The following KLF13 variants were observed in gnomAD, a reference collection of about 807,000 sequenced individuals.
KLF13 encodes the protein Krueppel-like factor 13.
In KLF13, 8 loss-of-function variants were observed where a neutral mutation model predicts 16.7. The observed-to-expected ratio is 0.48, with a 90% CI of 0.28 to 0.87. The LOEUF (loss-of-function observed/expected upper bound fraction) is 0.87, where lower values mean the gene tolerates loss of function less well. Ranked by LOEUF, KLF13 falls within the 40% of genes least tolerant of loss-of-function variation. The pLI is 0.10. For synonymous variants in KLF13, 245 were observed against 208.4 expected, an observed-to-expected ratio of 1.18 and a Z score of -1.51; for missense variants, 447 against 452.2, an observed-to-expected ratio of 0.99 and a Z score of 0.10.
intron 1 of KLF13, among the ~76,000 whole-genome samples, chr15:31,368,335 A>G (rs1012801544): frequency 3.3e-5 from 5 of 152,192 alleles, no homozygotes; most frequent in Non-Finnish European, 7.3e-5. Flanking sequence ...GACTTTCCCA[A>G]GCTTTTAATG....
downstream of KLF13, among the ~76,000 whole-genome samples, chr15:31,409,608 CA>C (rs2040167590): frequency 6.6e-6 from 1 of 151,950 alleles, no homozygotes; most frequent in South Asian, 2.1e-4. Flanking sequence ...AAACAAAAAA[CA>C]AAGAAAAGAC....
intron 2 of KLF13, among the ~76,000 whole-genome samples, chr15:31,396,921 C>T (rs1475242735): frequency 6.6e-6 from 1 of 152,090 alleles, no homozygotes; most frequent in African/African-American, 2.4e-5. Context: ...GTTAGTTCAG[C>T]TTACACCTAG....
At chr15:31,393,613 G>T (rs1311280025) in exon 2 of KLF13, 1 of 152,430 alleles carries the variant, frequency 6.6e-6, no homozygotes, top group Non-Finnish European at 1.5e-5. Flanking sequence ...CGCAGCTGCA[G>T]CCGCTTCGGT....
intron 1 of KLF13, among the ~76,000 whole-genome samples, chr15:31,424,574 A>G (rs969552879): frequency 6.6e-6 from 1 of 152,126 alleles, no homozygotes; most frequent in Non-Finnish European, 1.5e-5. Flanking sequence ...AAAATTCTAC[A>G]CCCTTTCATG....
At position 31,376,525 on chromosome 15, in the gene KLF13, G is replaced by C; in HGVS notation, c.*4226G>C. The C allele has an allele frequency of 6.6e-6, 1 of 152,574 alleles. No individual in the cohort carries two copies. Among genetic ancestry groups the C allele is most frequent in the East Asian group, 1.9e-4 (1 of 5,192 alleles). The allele number at this position is 152,574 out of a possible 1,614,324, so 9.5% of individuals were successfully genotyped here. A position where few individuals can be genotyped will look rare whatever the true frequency, so the allele number is the denominator to read the frequency against. On this transcript the variant is annotated 3_prime_UTR_variant, in exon 2 of 2. Transcript: ENST00000307145. ...AAAGCTAAAATCTGAGGCGTGGGCTGATGGTTTTTGAAATCAGGATTACCC... is the reference window on the plus strand; with the variant it reads ...AAAGCTAAAATCTGAGGCGTGGGCTCATGGTTTTTGAAATCAGGATTACCC...
In KLF13 at chr15:31,348,656, G is replaced by T. The variant is rs147183264; in HGVS notation, c.577+20867G>T. 1.1e-3 allele frequency among the ~76,000 whole-genome samples: 164 copies of T among 152,052 alleles called. 1 individual carries two copies. The highest frequency in any genetic ancestry group is 3.9e-3 in the African/African-American group (160 of 41,440). ...TGGGGTCCTGACTGCATCTCAGGCCGCAGTGCCTTGGGCTCCAGTGGGGTG... is the reference window on the plus strand; with the variant it reads ...TGGGGTCCTGACTGCATCTCAGGCCTCAGTGCCTTGGGCTCCAGTGGGGTG... On this transcript the variant is annotated intron_variant, in intron 1 of 1. Coordinates refer to ENST00000307145, the MANE Select transcript of KLF13 (RefSeq NM_015995.4).
At chr15:31,415,303 T>C (rs2040242001) in intron 1 of KLF13, among the ~76,000 whole-genome samples, 1 of 152,198 alleles carries the variant, frequency 6.6e-6, no homozygotes, top group African/African-American at 2.4e-5. Context: ...ACAAATGAAC[T>C]AAGACAGAAC....
intron 1 of KLF13, among the ~76,000 whole-genome samples, chr15:31,385,425 T>C (rs568905564): frequency 2.6e-5 from 4 of 152,362 alleles, no homozygotes; most frequent in East Asian, 1.9e-4. Flanking sequence ...TTTGCAAATA[T>C]TGTGTTTTTT....
chr15:31,388,497 C>T (rs2039819016), upstream of KLF13, among the ~76,000 whole-genome samples: 1 of 151,192 alleles, frequency 6.6e-6, no homozygotes, highest in Non-Finnish European at 1.5e-5. Context: ...GCCTATAATC[C>T]CTCTCAGCTA....
At chr15:31,336,299 C>T (rs1306200899) in intron 1 of KLF13, among the ~76,000 whole-genome samples, 2 of 152,202 alleles carry the variant, frequency 1.3e-5, no homozygotes, top group East Asian at 3.9e-4. Flanking sequence ...GCAGTGACCC[C>T]AAGACCTATG....
intron 1 of KLF13, among the ~76,000 whole-genome samples, chr15:31,412,602 C>G (rs531511673): frequency 3.3e-5 from 5 of 152,290 alleles, no homozygotes; most frequent in African/African-American, 9.6e-5. Context: ...TTTAAAATCA[C>G]CACTTTAAAA....
upstream of KLF13, among the ~76,000 whole-genome samples, chr15:31,391,477 TG>T (rs1442121924): frequency 7.3e-5 from 11 of 150,000 alleles, no homozygotes; most frequent in African/African-American, 2.7e-4. Flanking sequence ...GGAAATTCAG[TG>T]GAGTCTGCTC....
At chr15:31,389,075 C>T (rs1281043854), upstream of KLF13, among the ~76,000 whole-genome samples, 1 of 152,152 alleles carries the variant, frequency 6.6e-6, no homozygotes, top group Admixed American at 6.5e-5. Flanking sequence ...TAAATTTTCT[C>T]TTGCCTCTGC....
chr15:31,332,298 G>GT (rs1426634873), intron 1 of KLF13, among the ~76,000 whole-genome samples: 4 of 152,216 alleles, frequency 2.6e-5, no homozygotes, highest in Admixed American at 1.3e-4. Flanking sequence ...TCTTGAAAAT[G>GT]TTTCCTTCTC....
exon 3 of KLF13, chr15:31,403,657 G>T (rs1182866596): frequency 6.6e-6 from 1 of 152,274 alleles, no homozygotes; most frequent in Non-Finnish European, 1.5e-5. Flanking sequence ...GCCACACAAG[G>T]ATAATGAGCA....
At chr15:31,402,334 C>T (rs1163142612) in intron 2 of KLF13, among the ~76,000 whole-genome samples, 2 of 152,220 alleles carry the variant, frequency 1.3e-5, no homozygotes, top group East Asian at 3.8e-4. Flanking sequence ...GCTGGGGACC[C>T]TGCCCCACAG....
upstream of KLF13, among the ~76,000 whole-genome samples, chr15:31,389,016 G>A (rs373772893): frequency 1.3e-4 from 20 of 151,898 alleles, no homozygotes; most frequent in African/African-American, 4.6e-4. Context: ...GATGAATACC[G>A]TTGACCATTG....
intron 1 of KLF13, among the ~76,000 whole-genome samples, chr15:31,430,300 G>A (rs1189080369): frequency 6.6e-6 from 1 of 152,092 alleles, no homozygotes; most frequent in Non-Finnish European, 1.5e-5. Flanking sequence ...CAATAAGAGA[G>A]AGAACAATGA....
chr15:31,434,281 C>G (rs888850652), intron 1 of KLF13, among the ~76,000 whole-genome samples: 2 of 152,180 alleles, frequency 1.3e-5, no homozygotes, highest in Non-Finnish European at 2.9e-5. Flanking sequence ...CAGCTGCCCA[C>G]ACAGTAAAAT....
Sources: gnomAD v4.1 joint callset for allele counts (sites outside exome capture counted in the v4.1 genomes callset) on GRCh38, gnomAD v4.1.1 for gene constraint, MANE v1.5 for transcripts, NCBI Gene and HGNC (gene_info 2026-07-23, HGNC 2026-07-21) for gene names.